The following UBFD1 variants were observed in gnomAD, a reference collection of about 807,000 sequenced individuals.
The protein encoded by UBFD1 is ubiquitin family domain containing 1, also known as ubiquitin domain-containing protein UBFD1.
In UBFD1, 12 loss-of-function variants were observed where a neutral mutation model predicts 35.1. The ratio of observed to expected loss-of-function variants is 0.34; its 90% confidence interval spans 0.22 to 0.55. The LOEUF is 0.55. UBFD1 is among the 20% of genes least tolerant of loss of function. UBFD1 has a pLI of 0.89. For missense variants in UBFD1, 337 were observed against 410.8 expected, an observed-to-expected ratio of 0.82 and a Z score of 1.55; for synonymous variants, 178 against 167.6, an observed-to-expected ratio of 1.06 and a Z score of -0.48.
chr16:23,568,471 C>T (rs1966041013), intron 6 of UBFD1, among the ~76,000 whole-genome samples: 1 of 151,100 alleles, frequency 6.6e-6, no homozygotes, highest in South Asian at 2.1e-4. Context: ...TCTCTGTAGT[C>T]TTTATTACAA....
chr16:23,557,826 G>C lies in UBFD1; in HGVS notation c.25+59G>C, dbSNP rs188568660. 7,381 of 1,279,172 alleles carry C rather than the reference G, an allele frequency of 5.8e-3. 33 individuals are homozygous for C. The highest frequency in any genetic ancestry group is 6.4e-3 in the Non-Finnish European group (6,518 of 1,011,906). 79.2% of individuals were successfully genotyped at this position (1,279,172 alleles called of 1,614,324 possible). The stretch of plus-strand genomic sequence containing the variant: ...GGGCTGAGGTTGCGGTCGCTCCTCT[G>C]GGGGATGCGGCCCGGCCCGGGAGGG... On this transcript the variant is annotated intron_variant, in intron 1 of 6. Transcript: ENST00000395878.
chr16:23,560,950 C>T (rs949124615), intron 3 of UBFD1, among the ~76,000 whole-genome samples: 3 of 152,124 alleles, frequency 2.0e-5, no homozygotes, highest in Admixed American at 6.6e-5. Flanking sequence ...TAGGAGTGGT[C>T]GCAATGGTCA....
chr16:23,558,131 C>T lies in UBFD1; in HGVS notation c.207C>T (p.Ala69=), dbSNP rs1965851683. Residue 69 remains alanine, a synonymous_variant, in exon 2 of 7, where the codon GCC becomes GCT. Coordinates refer to ENST00000395878, the MANE Select transcript of UBFD1 (RefSeq NM_019116.3). The part of the protein sequence containing the change: ...AQPPGDPAAQ[A]SVSNGEDAGG... ...CCCCTGGGGACCCCGCAGCCCAGGC[C>T]TCGGTCAGCAACGGCGAAGACGCGG... 2 of 1,602,454 alleles carry T rather than the reference C, an allele frequency of 1.2e-6. No homozygotes were observed. The highest frequency in any genetic ancestry group is 2.3e-5 in the East Asian group (1 of 43,448).
rs1462465148 is a variant in UBFD1, at chr16:23,558,560, G to C, written c.355+281G>C. ...CTCTAATTAAAAAATCACCTAAGGC[G>C]CTTGTTTTACAGCTTCTGGGCCCTT... is the stretch of plus-strand genomic sequence containing the variant. On this transcript the variant is annotated intron_variant, in intron 2 of 6. Transcript: ENST00000395878. Among the ~76,000 whole-genome samples, 4 of 152,100 alleles carry C rather than the reference G, an allele frequency of 2.6e-5. 1 individual carries two copies. In the South Asian group the frequency reaches 8.3e-4, roughly 32 times the overall value.
intron 1 of UBFD1, 83 bp downstream of exon 1, chr16:23,557,850 G>A (rs1965838640): frequency 2.4e-6 from 3 of 1,276,220 alleles, no homozygotes; most frequent in Middle Eastern, 2.6e-4. Flanking sequence ...GGCCCGGGAG[G>A]GAGAACCGCG....
In UBFD1 at chr16:23,570,936, C is replaced by CT. The variant is rs1966074505; in HGVS notation, c.*349dup. 2 of 117,208 alleles carry CT rather than the reference C, an allele frequency of 1.7e-5. No individual in the cohort carries two copies. Among genetic ancestry groups the CT allele is most frequent in the African/African-American group, 6.4e-5 (2 of 31,354 alleles). 7.3% of individuals were successfully genotyped at this position (117,208 alleles called of 1,614,324 possible). On this transcript the variant is annotated 3_prime_UTR_variant, in exon 7 of 7. Transcript: ENST00000395878. ...ATGTTGACAAGGGAATGATCAAAAG[C>CT]TTTGTTTTTTTTAAAAAAAAAAAAA...
At chr16:23,559,963 T>G in intron 3 of UBFD1, 1 of 1,259,032 alleles carries the variant, frequency 7.9e-7, no homozygotes, top group African/African-American at 1.5e-5. Context: ...TGGGTTTCTC[T>G]CTCTTATTTA....
In UBFD1 at chr16:23,558,269, C is replaced by G. The variant is rs750463435; in HGVS notation, c.345C>G (p.His115Gln). 6.3e-7 allele frequency: 1 copy of G among 1,598,672 alleles called. No homozygotes were observed. The highest frequency in any genetic ancestry group is 1.4e-5 in the African/African-American group (1 of 73,740). ...GCTCCGAGCTGAAACAGAAGATCCACTCGATTACAGGTAATTCCTGTGGCG... is the reference window on the plus strand; with the variant it reads ...GCTCCGAGCTGAAACAGAAGATCCAGTCGATTACAGGTAATTCCTGTGGCG... ...STGSELKQKI[H>Q]SITGLPPAMQ... The change falls in exon 2 of 7, where the codon CAC (histidine) becomes CAG (glutamine). Residue 115 changes from histidine to glutamine, a missense_variant. Coordinates refer to ENST00000395878, the MANE Select transcript of UBFD1 (RefSeq NM_019116.3).
rs1965857252 is a variant in UBFD1, at chr16:23,558,272, G to T, written c.348G>T (p.Ser116=). 6.3e-7 allele frequency: 1 copy of T among 1,597,310 alleles called. No homozygotes were observed. Among genetic ancestry groups the T allele is most frequent in the South Asian group, 1.1e-5 (1 of 88,960 alleles). ...CCGAGCTGAAACAGAAGATCCACTC[G>T]ATTACAGGTAATTCCTGTGGCGCTG... ...TGSELKQKIH[S]ITGLPPAMQK... Residue 116 remains serine (S), a synonymous_variant, in exon 2 of 7, where the codon TCG becomes TCT. Transcript: ENST00000395878.
At chr16:23,561,144 C>T (rs958933858) in intron 3 of UBFD1, among the ~76,000 whole-genome samples, 1 of 152,240 alleles carries the variant, frequency 6.6e-6, no homozygotes, top group Non-Finnish European at 1.5e-5. Context: ...TGATGCATCA[C>T]ATGACCTAAT....
chr16:23,559,970 T>C (rs1293002261), intron 3 of UBFD1: 8 of 1,184,528 alleles, frequency 6.8e-6, no homozygotes, highest in South Asian at 1.6e-5. Context: ...CTCTCTCTTA[T>C]TTAGTGCCAG....
At chr16:23,567,381 A>G (rs940732275) in intron 6 of UBFD1, among the ~76,000 whole-genome samples, 1 of 152,220 alleles carries the variant, frequency 6.6e-6, no homozygotes, top group Non-Finnish European at 1.5e-5. Flanking sequence ...GAAAATAAAT[A>G]TAAAGAGGAG....
chr16:23,562,590 T>TTACCATTTTTTCTGACTCTTA lies in UBFD1; in HGVS notation c.631-35_631-34insTACCATTTTTTCTGACTCTTA, dbSNP rs1370870935. On this transcript the variant is annotated intron_variant, in intron 4 of 6. Transcript: ENST00000395878. ...GCCCCCTTCTCTTTTTTTCTGACTGTCCCTCCATCTCTTACCATTCTCTCG... is the reference window on the plus strand; with the variant it reads ...GCCCCCTTCTCTTTTTTTCTGACTGTTACCATTTTTTCTGACTCTTACCCTCCATCTCTTACCATTCTCTCG... 2.5e-6 allele frequency: 4 copies of TTACCATTTTTTCTGACTCTTA among 1,596,618 alleles called. No homozygotes were observed. The East Asian group carries it at 6.7e-5, about 27-fold the overall frequency.
At chr16:23,558,344 C>T (rs1474161288) in intron 2 of UBFD1, 65 bp downstream of exon 2, 5 of 1,559,408 alleles carry the variant, frequency 3.2e-6, no homozygotes, top group Non-Finnish European at 2.6e-6. Context: ...TTGCACCCTA[C>T]TAGGCACCTG....
At chr16:23,559,221 C>T (rs1191427266) in intron 2 of UBFD1, 1 of 377,510 alleles carries the variant, frequency 2.6e-6, no homozygotes, top group African/African-American at 2.1e-5. Context: ...ATGCTAGCCA[C>T]CGTACTAAAT....
Position 23,558,206 on chromosome 16 carries a change from G to A in UBFD1, c.282G>A (p.Lys94=). 1.2e-6 allele frequency: 2 copies of A among 1,611,146 alleles called. No individual in the cohort carries two copies. Among genetic ancestry groups the A allele is most frequent in the Non-Finnish European group, 1.7e-6 (2 of 1,178,874 alleles). ...ELVDLKIIWN[K]TKHDVKFPLD... is the part of the protein sequence containing the mutation. ...TGGACTTGAAGATCATCTGGAATAA[G>A]ACCAAGCATGACGTGAAGTTCCCCC... Residue 94 remains lysine, a synonymous_variant, in exon 2 of 7, where the codon AAG becomes AAA. Coordinates refer to ENST00000395878, the MANE Select transcript of UBFD1 (RefSeq NM_019116.3).
In UBFD1 at chr16:23,559,640, C is replaced by T. The variant is rs190257803; in HGVS notation, c.528C>T (p.Ala176=). The change falls in exon 3 of 7, where the codon GCC becomes GCT. Residue 176 remains alanine, a synonymous_variant. Transcript: ENST00000395878. The part of the protein sequence containing the change: ...PKDAAQQDAK[A]EENKKEPLCR... Reference sequence around the variant, plus strand: ...ATGCTGCGCAGCAGGATGCAAAGGCCGAAGAGAACAAGAAGGAGCCTCTCT... The same window carrying T: ...ATGCTGCGCAGCAGGATGCAAAGGCTGAAGAGAACAAGAAGGAGCCTCTCT... 1.9e-5 allele frequency: 30 copies of T among 1,614,042 alleles called. No individual in the cohort carries two copies. The highest frequency in any genetic ancestry group is 1.6e-4 in the Middle Eastern group (1 of 6,084).
intron 6 of UBFD1, chr16:23,568,602 T>G (rs1966042976): frequency 6.6e-6 from 1 of 151,258 alleles, no homozygotes; most frequent in African/African-American, 2.4e-5. Context: ...GGGCGGATCA[T>G]GAGGTCAGGA....
intron 5 of UBFD1, 37 bp downstream of exon 5, chr16:23,562,767 T>G: frequency 6.4e-7 from 1 of 1,553,992 alleles, no homozygotes; most frequent in South Asian, 1.1e-5. Context: ...GCCCACTGCC[T>G]GCCTCTGGCA....
Sources: gnomAD v4.1 joint callset for allele counts (sites outside exome capture counted in the v4.1 genomes callset) on GRCh38, gnomAD v4.1.1 for gene constraint, MANE v1.5 for transcripts, NCBI Gene and HGNC (gene_info 2026-07-23, HGNC 2026-07-21) for gene names.